Variants in SCYL3 observed in about 807,000 individuals in gnomAD.
The protein encoded by SCYL3 is protein-associating with the carboxyl-terminal domain of ezrin.
Under a neutral mutation model 73.8 loss-of-function variants are expected in SCYL3, and 35 were observed. The observed-to-expected ratio is 0.47, with a 90% CI of 0.36 to 0.63. SCYL3 has a LOEUF of 0.63. SCYL3 is among the 20% of genes least tolerant of loss of function. The pLI is 0.00. For missense variants in SCYL3, 712 were observed against 798.9 expected (o/e 0.89, Z 1.31); for synonymous variants, 277 against 295.2 (o/e 0.94, Z 0.63).
chr1:169,855,901 T>A (rs1467358250), intron 11 of SCYL3: 1 of 1,613,946 alleles, frequency 6.2e-7, no homozygotes, highest in Admixed American at 1.7e-5. Context: ...GAGAAGGGGT[T>A]CTCCAAGATT....
At chr1:169,889,115 A>C (rs1292751105) in intron 1 of SCYL3, among the ~76,000 whole-genome samples, 1 of 152,226 alleles carries the variant, frequency 6.6e-6, no homozygotes, top group Non-Finnish European at 1.5e-5. Flanking sequence ...ACAGGTAGTT[A>C]CTGTCCCTCC....
chr1:169,882,881 G>C (rs949205256), intron 2 of SCYL3, among the ~76,000 whole-genome samples: 2 of 152,152 alleles, frequency 1.3e-5, no homozygotes, highest in African/African-American at 4.8e-5. Context: ...GGCTCTACCA[G>C]TCAGCAGGAT....
rs747071500 is a variant in SCYL3, at chr1:169,850,262, T to C, written c.*3451A>G. 3 of 1,599,454 alleles carry C rather than the reference T, an allele frequency of 1.9e-6. No homozygotes were observed. Among genetic ancestry groups the C allele is most frequent in the Non-Finnish European group, 2.6e-6 (3 of 1,169,660 alleles). On this transcript the variant is annotated 3_prime_UTR_variant, in exon 13 of 13. Coordinates refer to ENST00000367771, the MANE Select transcript of SCYL3 (RefSeq NM_020423.7). ...TTGGTCTTGTTCATCAATTTTTTAATAGGGAACAAATCATGAAGAGATAGT... is the reference window on the plus strand; with the variant it reads ...TTGGTCTTGTTCATCAATTTTTTAACAGGGAACAAATCATGAAGAGATAGT...
intron 9 of SCYL3, 100 bp from the exon 10 acceptor site, chr1:169,862,897 T>C: frequency 9.4e-7 from 1 of 1,060,648 alleles, no homozygotes. Flanking sequence ...CTACACATAT[T>C]CTAAGTACTC....
chr1:169,888,031 T>A (rs1661804376), intron 2 of SCYL3, among the ~76,000 whole-genome samples: 1 of 152,326 alleles, frequency 6.6e-6, no homozygotes, highest in South Asian at 2.1e-4. Flanking sequence ...TACAATTACA[T>A]TTTCCATTTT....
chr1:169,855,047 T>G (rs1658996014), intron 11 of SCYL3, 83 bp from the exon 12 acceptor site: 1 of 971,114 alleles, frequency 1.0e-6, no homozygotes, highest in African/African-American at 1.6e-5. Context: ...TAAGGAAGTG[T>G]AGTAGTATAG....
At chr1:169,873,815 C>T (rs369325798) in intron 4 of SCYL3, 63 bp from the exon 5 acceptor site, 11 of 1,165,376 alleles carry the variant, frequency 9.4e-6, no homozygotes, top group Middle Eastern at 2.0e-4. Flanking sequence ...TAATCTCTTA[C>T]ATCAGGTTAC....
Position 169,850,369 on chromosome 1 carries a change from T to C in SCYL3, c.*3344A>G, listed in dbSNP as rs1199261649. 1 of 1,500,204 alleles carries C rather than the reference T, an allele frequency of 6.7e-7. No individual in the cohort carries two copies. The highest frequency in any genetic ancestry group is 1.2e-5 in the South Asian group (1 of 83,546). The allele number at this position is 1,500,204 out of a possible 1,614,324, so 92.9% of individuals were successfully genotyped here. A position where few individuals can be genotyped will look rare whatever the true frequency, so the allele number is the denominator to read the frequency against. The stretch of plus-strand genomic sequence containing the variant: ...AGGTACTTTCTTTACATGGCTCATG[T>C]TTTATTCTTTGTCCTATTTTTTTTT... On this transcript the variant is annotated 3_prime_UTR_variant, in exon 13 of 13. Transcript: ENST00000367771.
rs750629328 is a variant in SCYL3, at chr1:169,852,795, T to C, written c.*918A>G. On this transcript the variant is annotated 3_prime_UTR_variant, in exon 13 of 13. Coordinates refer to ENST00000367771, the MANE Select transcript of SCYL3 (RefSeq NM_020423.7). The stretch of plus-strand genomic sequence containing the variant: ...TACTTATGTTTTTTTTCCAGCCTTA[T>C]GCAAAAAGAGCTCGTCAGGAGTTCC... 4 of 1,613,742 alleles carry C rather than the reference T, an allele frequency of 2.5e-6. No individual in the cohort carries two copies. The highest frequency in any genetic ancestry group is 4.5e-5 in the East Asian group (2 of 44,900).
intron 2 of SCYL3, among the ~76,000 whole-genome samples, chr1:169,888,454 T>C (rs1661828286): frequency 6.6e-6 from 1 of 152,260 alleles, no homozygotes; most frequent in Non-Finnish European, 1.5e-5. Context: ...AAAGCCATTG[T>C]ACTGAGTTTT....
intron 9 of SCYL3, among the ~76,000 whole-genome samples, chr1:169,863,963 T>C (rs1028166063): frequency 2.0e-5 from 3 of 152,164 alleles, no homozygotes; most frequent in Non-Finnish European, 2.9e-5. Flanking sequence ...TAAAAAAAAC[T>C]TGAAGCCCCA....
In SCYL3 at chr1:169,852,375, T is replaced by C. The variant is rs1006574069; in HGVS notation, c.*1338A>G. The C allele has an allele frequency of 1.5e-5, 4 of 272,286 alleles. No homozygotes were observed. The highest frequency in any genetic ancestry group is 6.8e-5 in the African/African-American group (3 of 44,072). The allele number at this position is 272,286 out of a possible 1,614,324, so 16.9% of individuals were successfully genotyped here. A position where few individuals can be genotyped will look rare whatever the true frequency, so the allele number is the denominator to read the frequency against. ...GACACCAATAAGGATATTCAAAATA[T>C]TGTTTTGAGCACTATTAGTATAGTA... is the stretch of plus-strand genomic sequence containing the variant. On this transcript the variant is annotated 3_prime_UTR_variant, in exon 13 of 13. Coordinates refer to ENST00000367771, the MANE Select transcript of SCYL3 (RefSeq NM_020423.7).
intron 2 of SCYL3, among the ~76,000 whole-genome samples, chr1:169,884,027 T>G (rs938983184): frequency 5.3e-5 from 8 of 152,076 alleles, no homozygotes; most frequent in African/African-American, 1.9e-4. Context: ...GCCTCCAATT[T>G]CTTTTATTTT....
Position 169,888,864 on chromosome 1 carries a change from G to T in SCYL3, c.-24C>A. 1 of 1,548,462 alleles carries T rather than the reference G, an allele frequency of 6.5e-7. No individual in the cohort carries two copies. The highest frequency in any genetic ancestry group is 1.9e-5 in the Admixed American group (1 of 51,628). ...ATCCCTTATGCAGTGAGGCAGTACT[G>T]CCACTCTTCCTCAAAGCCAAGCAGA... On this transcript the variant is annotated 5_prime_UTR_variant, in exon 2 of 13. Transcript: ENST00000367771.
Position 169,862,692 on chromosome 1 carries a change from C to T in SCYL3, c.1061G>A (p.Arg354Gln), listed in dbSNP as rs747651232. The stretch of plus-strand genomic sequence containing the variant: ...CTCGATGTGAGACAGCAGCACCATC[C>T]GCACATGCTCTTCATGAACTTCAAA... ...QLFEVHEEHV[R>Q]MVLLSHIEAY... Residue 354 changes from arginine to glutamine, a missense_variant, in exon 10 of 13, where the codon CGG becomes CAG. By Grantham distance (43) the Arg-to-Gln change is conservative (BLOSUM62 1). Coordinates refer to ENST00000367771, the MANE Select transcript of SCYL3 (RefSeq NM_020423.7). 3.1e-6 allele frequency: 5 copies of T among 1,614,178 alleles called. No individual in the cohort carries two copies. Among genetic ancestry groups the T allele is most frequent in the Non-Finnish European group, 4.2e-6 (5 of 1,180,038 alleles).
chr1:169,861,158 G>T (rs1659615614), intron 10 of SCYL3, among the ~76,000 whole-genome samples: 1 of 152,174 alleles, frequency 6.6e-6, no homozygotes. Context: ...ACAACACAGA[G>T]ACTTTAAAGT....
chr1:169,879,501 A>G (rs538435211), intron 2 of SCYL3, among the ~76,000 whole-genome samples: 2 of 152,370 alleles, frequency 1.3e-5, no homozygotes, highest in Admixed American at 1.3e-4. Context: ...GGTTGCAAAT[A>G]CCATTCACAG....
rs963410257 is a variant in SCYL3, at chr1:169,863,700, T to C, written c.955+669A>G. Among the ~76,000 whole-genome samples, 10 of 152,158 alleles carry C rather than the reference T, an allele frequency of 6.6e-5. No homozygotes were observed. In the East Asian group the frequency reaches 1.2e-3, roughly 18 times the overall value. On this transcript the variant is annotated intron_variant, in intron 9 of 12. Transcript: ENST00000367771. ...CCCCTATGTAAGACCTACTGAGGAA[T>C]AGGATGTAAGAGCTATAAAGAAAAA... is the stretch of plus-strand genomic sequence containing the variant.
rs141399532 is a variant in SCYL3, at chr1:169,871,564, A to C, written c.523-1207T>G. Among the ~76,000 whole-genome samples the C allele has an allele frequency of 1.2e-3, 184 of 152,350 alleles. No individual in the cohort carries two copies. The Middle Eastern group carries it at 0.014, about 11-fold the overall frequency. On this transcript the variant is annotated intron_variant, in intron 5 of 12. Transcript: ENST00000367771. ...TGGGGCGTTGCTGAAAAGATACCTG[A>C]AAATATGGAAGGGACTTTGGAACTG... is the stretch of plus-strand genomic sequence containing the variant.
Sources: gnomAD v4.1 joint callset for allele counts (sites outside exome capture counted in the v4.1 genomes callset) on GRCh38, gnomAD v4.1.1 for gene constraint, MANE v1.5 for transcripts, NCBI Gene and HGNC (gene_info 2026-07-23, HGNC 2026-07-21) for gene names.